The following SLC24A3 variants were observed in gnomAD, a reference collection of about 807,000 sequenced individuals.
The protein encoded by SLC24A3 is solute carrier family 24 member 3.
A neutral mutation model predicts 75.8 loss-of-function variants in SLC24A3; 28 were observed. That is an observed-to-expected ratio of 0.37 (90% CI 0.27 to 0.51). The LOEUF (loss-of-function observed/expected upper bound fraction) is 0.51. Among genes scored for constraint, SLC24A3 ranks in the 20% least tolerant of loss-of-function variants. The pLI, the probability that SLC24A3 is intolerant of heterozygous loss-of-function variation, is 0.94. For synonymous variants in SLC24A3, 372 were observed against 334.1 expected, an observed-to-expected ratio of 1.11 and a Z score of -1.24; for missense variants, 663 against 847.8, an observed-to-expected ratio of 0.78 and a Z score of 2.71.
intron 4 of SLC24A3, among the ~76,000 whole-genome samples, chr20:19,581,222 G>A (rs190518724): frequency 1.3e-5 from 2 of 152,318 alleles, no homozygotes; most frequent in Non-Finnish European, 2.9e-5. Context: ...TTCCACCTGA[G>A]AGTGGGGTCA....
At chr20:19,341,508 C>CT (rs1455177927) in intron 2 of SLC24A3, among the ~76,000 whole-genome samples, 1 of 152,174 alleles carries the variant, frequency 6.6e-6, no homozygotes, top group Admixed American at 6.5e-5. Flanking sequence ...AAAGCCTGCG[C>CT]TGTAACACCT....
intron 1 of SLC24A3, among the ~76,000 whole-genome samples, chr20:19,241,536 G>A (rs2052758000): frequency 6.6e-6 from 1 of 152,228 alleles, no homozygotes; most frequent in Admixed American, 6.5e-5. Flanking sequence ...TTTGGCCGGG[G>A]TAGCTCTGCC....
intron 2 of SLC24A3, among the ~76,000 whole-genome samples, chr20:19,288,689 C>T (rs894187497): frequency 6.6e-5 from 10 of 152,270 alleles, no homozygotes; most frequent in East Asian, 1.9e-4. Context: ...CAAAGCAAGT[C>T]GAGTTAAAGA....
intron 2 of SLC24A3, among the ~76,000 whole-genome samples, chr20:19,507,942 G>C (rs994830089): frequency 6.6e-6 from 1 of 152,206 alleles, no homozygotes; most frequent in Non-Finnish European, 1.5e-5. Context: ...TGATGACAAA[G>C]AGAGAAATGA....
intron 2 of SLC24A3, among the ~76,000 whole-genome samples, chr20:19,448,407 C>T (rs1356110718): frequency 6.6e-6 from 1 of 152,190 alleles, no homozygotes; most frequent in Non-Finnish European, 1.5e-5. Context: ...GCAAACACAA[C>T]CTTGAGTTTC....
Position 19,230,760 on chromosome 20 carries a change from C to T in SLC24A3, c.142+17776C>T, listed in dbSNP as rs371027186. ...GGGACCCATGTGCCCTTCCACAGTC[C>T]GCATGTCACAATCCCTTCTTGTGTG... On this transcript the variant is annotated intron_variant, in intron 1 of 16. Transcript: ENST00000328041. Among the ~76,000 whole-genome samples, 314 of 152,152 alleles carry T rather than the reference C, an allele frequency of 2.1e-3. 9 individuals carry two copies. The South Asian group carries it at 0.058, about 28-fold the overall frequency.
intron 1 of SLC24A3, among the ~76,000 whole-genome samples, chr20:19,225,270 C>T (rs1357230706): frequency 2.0e-5 from 3 of 152,032 alleles, no homozygotes; most frequent in African/African-American, 7.2e-5. Flanking sequence ...ATTCCTAGGA[C>T]CTTAAGAACC....
intron 3 of SLC24A3, among the ~76,000 whole-genome samples, chr20:19,522,538 T>C (rs1401747080): frequency 6.6e-6 from 1 of 152,194 alleles, no homozygotes; most frequent in Non-Finnish European, 1.5e-5. Flanking sequence ...TGGGAACGCA[T>C]GGTAGGTGCT....
intron 2 of SLC24A3, among the ~76,000 whole-genome samples, chr20:19,416,834 T>C (rs1986835665): frequency 6.6e-6 from 1 of 152,162 alleles, no homozygotes; most frequent in African/African-American, 2.4e-5. Context: ...GTAAGGAGTC[T>C]TTTAAGGAGC....
chr20:19,450,991 C>T (rs56898925), intron 2 of SLC24A3, among the ~76,000 whole-genome samples: 1 of 152,006 alleles, frequency 6.6e-6, no homozygotes, highest in Non-Finnish European at 1.5e-5. Context: ...CAGAGCGAGA[C>T]TCTGTTTCAA....
At chr20:19,592,816 G>C (rs1338386878) in intron 6 of SLC24A3, among the ~76,000 whole-genome samples, 1 of 75,876 alleles carries the variant, frequency 1.3e-5, no homozygotes, top group African/African-American at 4.6e-5. Context: ...TTTTTTTTGA[G>C]ATAGAGTCTC....
chr20:19,611,060 T>C (rs1199468165), intron 6 of SLC24A3, among the ~76,000 whole-genome samples: 1 of 152,226 alleles, frequency 6.6e-6, no homozygotes, highest in Non-Finnish European at 1.5e-5. Context: ...AGATGCTGGC[T>C]TCACGGATGC....
At chr20:19,695,719 T>A (rs1001444645) in intron 13 of SLC24A3, 7 of 152,176 alleles carry the variant, frequency 4.6e-5, no homozygotes, top group African/African-American at 1.7e-4. Flanking sequence ...TGTTTTTCAG[T>A]CTCCAGGGAG....
At chr20:19,326,577 C>CT (rs57226310) in intron 2 of SLC24A3, among the ~76,000 whole-genome samples, 5,694 of 138,902 alleles carry the variant, frequency 0.041, 437 homozygotes, top group East Asian at 0.27. Context: ...CTTTTCTTTT[C>CT]TTTTTTTTTT....
chr20:19,592,066 C>T (rs1453253591), intron 6 of SLC24A3, among the ~76,000 whole-genome samples: 2 of 152,198 alleles, frequency 1.3e-5, no homozygotes, highest in Non-Finnish European at 2.9e-5. Context: ...GTATTTCCAC[C>T]ACCTACATGT....
intron 13 of SLC24A3, 96 bp from the exon 14 acceptor site, chr20:19,696,701 C>T: frequency 1.2e-6 from 1 of 804,006 alleles, no homozygotes; most frequent in Non-Finnish European, 2.1e-6. Flanking sequence ...AGAGATAGCC[C>T]AGACCATAGC....
chr20:19,387,180 C>A (rs1212811344), intron 2 of SLC24A3, among the ~76,000 whole-genome samples: 1 of 152,028 alleles, frequency 6.6e-6, no homozygotes, highest in Non-Finnish European at 1.5e-5. Context: ...TCTGTAGAAT[C>A]TATTGTAATG....
chr20:19,399,310 C>A (rs1282049218), intron 2 of SLC24A3, among the ~76,000 whole-genome samples: 1 of 151,876 alleles, frequency 6.6e-6, no homozygotes, highest in Admixed American at 6.6e-5. Context: ...GTTTTATTTG[C>A]TCTTCTTTTC....
intron 2 of SLC24A3, among the ~76,000 whole-genome samples, chr20:19,429,314 T>C (rs189919366): frequency 2.2e-4 from 34 of 152,356 alleles, no homozygotes; most frequent in African/African-American, 5.8e-4. Context: ...CATGTCATTT[T>C]TGTATGCTCA....
Sources: allele counts gnomAD v4.1 joint callset (sites outside exome capture counted in the v4.1 genomes callset), GRCh38; gene constraint gnomAD v4.1.1; transcripts MANE v1.5; gene names NCBI Gene and HGNC (gene_info 2026-07-23, HGNC 2026-07-21).